AGMO: variants seen among roughly 807,000 people sequenced by gnomAD.
AGMO encodes the protein glyceryl-ether monooxygenase.
A neutral mutation model predicts 60.2 loss-of-function variants in AGMO; 75 were observed. The observed-to-expected ratio is 1.25, with a 90% CI of 1.03 to 1.51. The LOEUF (loss-of-function observed/expected upper bound fraction) is 1.51. AGMO is among the 40% of genes most tolerant of loss of function. The pLI is 0.00. For synonymous variants in AGMO, 261 were observed against 177.1 expected (o/e 1.47, Z -3.76); for missense variants, 763 against 525.5 (o/e 1.45, Z -4.42).
At chr7:15,173,762 G>C in the AGMO span, among the ~76,000 whole-genome samples, 1 of 150,996 alleles carries the variant, frequency 6.6e-6, no homozygotes, top group South Asian at 2.1e-4. Context: ...ATAGCAAAGA[G>C]CCAATAGATA....
chr7:15,231,143 T>C (rs1782247645), intron 12 of AGMO, among the ~76,000 whole-genome samples: 1 of 152,158 alleles, frequency 6.6e-6, no homozygotes. Flanking sequence ...AAATATAGAC[T>C]GCCACCACTC....
At chr7:15,425,650 G>A (rs1052498244) in intron 4 of AGMO, among the ~76,000 whole-genome samples, 5 of 151,946 alleles carry the variant, frequency 3.3e-5, no homozygotes, top group Middle Eastern at 3.4e-3. Flanking sequence ...ATATTGCTTC[G>A]GCTAGTCTTG....
At chr7:15,173,815 ATTTC>A in the AGMO span, among the ~76,000 whole-genome samples, 56 of 150,278 alleles carry the variant, frequency 3.7e-4, no homozygotes, top group African/African-American at 1.2e-3. Context: ...TTTTTTTGGT[ATTTC>A]TTTCTTTTTT....
intron 2 of AGMO, among the ~76,000 whole-genome samples, chr7:15,546,291 A>G (rs932121804): frequency 6.6e-6 from 1 of 152,206 alleles, no homozygotes; most frequent in African/African-American, 2.4e-5. Flanking sequence ...AATTTTGAAC[A>G]GGAGTACACA....
chr7:15,198,326 A>G (rs144586936), downstream of AGMO, among the ~76,000 whole-genome samples: 34 of 152,010 alleles, frequency 2.2e-4, no homozygotes, highest in East Asian at 1.6e-3. Context: ...CTCAAGATCA[A>G]TTTACAACAT....
At chr7:15,120,770 T>C in the AGMO span, among the ~76,000 whole-genome samples, 1 of 152,172 alleles carries the variant, frequency 6.6e-6, no homozygotes, top group East Asian at 1.9e-4. Flanking sequence ...TTTCTTTTTT[T>C]TCTTTTTTTG....
At chr7:15,414,686 T>G (rs1156580371) in intron 5 of AGMO, among the ~76,000 whole-genome samples, 1 of 152,082 alleles carries the variant, frequency 6.6e-6, no homozygotes, top group African/African-American at 2.4e-5. Flanking sequence ...GACCACAAAA[T>G]TATGCATGAC....
At chr7:15,322,445 AAT>A (rs1178866406) in intron 12 of AGMO, among the ~76,000 whole-genome samples, 23 of 109,284 alleles carry the variant, frequency 2.1e-4, no homozygotes, top group South Asian at 5.2e-4. Context: ...TATATATATA[AAT>A]ATATATATAA....
chr7:15,167,136 G>A, the AGMO span, among the ~76,000 whole-genome samples: 1 of 152,024 alleles, frequency 6.6e-6, no homozygotes. Context: ...ATAGCAATCA[G>A]TGTTTTATAG....
At chr7:15,129,920 A>T in the AGMO span, among the ~76,000 whole-genome samples, 2 of 152,116 alleles carry the variant, frequency 1.3e-5, no homozygotes, top group African/African-American at 4.8e-5. Context: ...GCCTGATATT[A>T]TCTAAGTGTA....
At position 15,387,564 on chromosome 7, in the gene AGMO, T is replaced by C. The variant is rs746437632; in HGVS notation, c.823-24A>G. ...AACTAGAAACAATAAAAAAAGAGCT[T>C]ATTTCACATAAGATAAATAGGAAAG... On this transcript the variant is annotated intron_variant, in intron 8 of 12. Transcript: ENST00000342526. The C allele has an allele frequency of 4.4e-6, 7 of 1,576,306 alleles. No individual in the cohort carries two copies. The Admixed American group carries it at 1.3e-4, about 29-fold the overall frequency.
intron 3 of AGMO, among the ~76,000 whole-genome samples, chr7:15,464,039 T>G (rs576451976): frequency 6.6e-6 from 1 of 152,202 alleles, no homozygotes; most frequent in African/African-American, 2.4e-5. Flanking sequence ...CTTTCAATAA[T>G]ATTCTCTAGT....
rs182393570 is a variant in AGMO, at chr7:15,533,818, A to G, written c.409+10954T>C. Among the ~76,000 whole-genome samples the G allele has an allele frequency of 8.5e-3, 1,287 of 152,234 alleles. 19 individuals carry two copies. The highest frequency in any genetic ancestry group is 0.057 in the South Asian group (275 of 4,824). ...CTTCTGTTCTGTTTGTTTAACTCAC[A>G]GTATAAGCACTTCACATAGAAAACG... On this transcript the variant is annotated intron_variant, in intron 3 of 12. Coordinates refer to ENST00000342526, the MANE Select transcript of AGMO (RefSeq NM_001004320.2).
chr7:15,454,670 C>A (rs557526740), intron 3 of AGMO, among the ~76,000 whole-genome samples: 14 of 152,076 alleles, frequency 9.2e-5, no homozygotes, highest in African/African-American at 3.4e-4. Flanking sequence ...ACATTTTCAA[C>A]AGTTCCATAA....
intron 12 of AGMO, among the ~76,000 whole-genome samples, chr7:15,316,336 C>T (rs10250159): frequency 0.012 from 1,799 of 152,264 alleles, 35 homozygotes; most frequent in African/African-American, 0.04. Flanking sequence ...TTACATGCAC[C>T]CCTCTTCTGC....
chr7:15,182,388 GA>G, the AGMO span, among the ~76,000 whole-genome samples: 2 of 151,956 alleles, frequency 1.3e-5, no homozygotes, highest in East Asian at 1.9e-4. Flanking sequence ...AAAAAATTAG[GA>G]AAAAAATCAA....
chr7:15,213,022 A>T (rs1583296246), intron 12 of AGMO, among the ~76,000 whole-genome samples: 1 of 152,174 alleles, frequency 6.6e-6, no homozygotes, highest in East Asian at 1.9e-4. Flanking sequence ...CAAACTTGGC[A>T]TTGAAAATGT....
chr7:15,214,364 C>G (rs1409768952), intron 12 of AGMO, among the ~76,000 whole-genome samples: 2 of 151,960 alleles, frequency 1.3e-5, no homozygotes, highest in Admixed American at 6.6e-5. Flanking sequence ...CAAAAGAGAC[C>G]TCTTTGGTTA....
chr7:15,546,726 CACTTA>C (rs1784791895), intron 2 of AGMO, among the ~76,000 whole-genome samples: 1 of 152,214 alleles, frequency 6.6e-6, no homozygotes, highest in Non-Finnish European at 1.5e-5. Context: ...ATGAAATGAA[CACTTA>C]AAACCTGCCT....
Sources: allele counts gnomAD v4.1 joint callset (sites outside exome capture counted in the v4.1 genomes callset), GRCh38; gene constraint gnomAD v4.1.1; transcripts MANE v1.5; gene names NCBI Gene and HGNC (gene_info 2026-07-23, HGNC 2026-07-21).